Variants in SORCS1 observed in about 807,000 individuals in gnomAD.
SORCS1 encodes VPS10 domain-containing receptor SorCS1.
Under a neutral mutation model 146.1 loss-of-function variants are expected in SORCS1, and 60 were observed. The ratio of observed to expected loss-of-function variants is 0.41; its 90% CI spans 0.33 to 0.51. The LOEUF is 0.51. Ranked by LOEUF, SORCS1 falls within the 20% of genes least tolerant of loss-of-function variation. The pLI is 0.21. For synonymous variants in SORCS1, 637 were observed against 584.0 expected, an observed-to-expected ratio of 1.09 and a Z score of -1.31; for missense variants, 1,352 against 1,487.6, an observed-to-expected ratio of 0.91 and a Z score of 1.50.
chr10:106,699,280 G>A lies in SORCS1; in HGVS notation c.1347C>T (p.Thr449=). 1 of 1,614,020 alleles carries A rather than the reference G, an allele frequency of 6.2e-7. No homozygotes were observed. The highest frequency in any genetic ancestry group is 2.2e-5 in the East Asian group (1 of 44,884). ...YISDTRGVYF[T]LALENVQSSR... is the part of the protein sequence containing the mutation. ...TGCTCTGGACATTCTCCAAGGCCAG[G>A]GTGAAGTAGACACCACGTGTGTCTG... Residue 449 remains threonine (T), a synonymous_variant, in exon 9 of 26, where the codon ACC becomes ACT. Coordinates refer to ENST00000263054, the MANE Select transcript of SORCS1 (RefSeq NM_052918.5).
At chr10:106,786,085 G>T (rs1301730548) in intron 3 of SORCS1, among the ~76,000 whole-genome samples, 2 of 152,078 alleles carry the variant, frequency 1.3e-5, no homozygotes, top group African/African-American at 4.8e-5. Flanking sequence ...GCATATTCTA[G>T]GTTTAATTCT....
intron 1 of SORCS1, among the ~76,000 whole-genome samples, chr10:107,142,857 A>T (rs141169147): frequency 1.3e-3 from 203 of 152,356 alleles, no homozygotes; most frequent in African/African-American, 4.6e-3. Flanking sequence ...TACTATCATT[A>T]AATACACAGG....
intron 18 of SORCS1, among the ~76,000 whole-genome samples, chr10:106,637,013 T>C (rs1848766740): frequency 6.6e-6 from 1 of 152,220 alleles, no homozygotes; most frequent in Admixed American, 6.5e-5. Context: ...CCCAGTGTAA[T>C]ATGCCAGGCT....
chr10:106,979,409 T>A (rs933375567), intron 1 of SORCS1, among the ~76,000 whole-genome samples: 7 of 152,146 alleles, frequency 4.6e-5, no homozygotes, highest in Admixed American at 3.3e-4. Context: ...TCATTTTATA[T>A]TGTATCAGAT....
intron 1 of SORCS1, among the ~76,000 whole-genome samples, chr10:107,145,470 T>A (rs1213511529): frequency 6.6e-6 from 1 of 152,222 alleles, no homozygotes; most frequent in Non-Finnish European, 1.5e-5. Flanking sequence ...TACTGCATTT[T>A]AAGAAAGTCT....
chr10:106,966,432 A>G (rs1475529061), intron 1 of SORCS1, among the ~76,000 whole-genome samples: 1 of 152,212 alleles, frequency 6.6e-6, no homozygotes, highest in African/African-American at 2.4e-5. Context: ...TTGCCTCTGA[A>G]AAGTATTTAA....
intron 1 of SORCS1, among the ~76,000 whole-genome samples, chr10:107,126,105 T>C (rs1290364151): frequency 6.6e-6 from 1 of 152,326 alleles, no homozygotes; most frequent in Non-Finnish European, 1.5e-5. Flanking sequence ...CCCTTTTCTT[T>C]CCTTCCTGAA....
chr10:106,929,117 T>C (rs1953254278), intron 2 of SORCS1, among the ~76,000 whole-genome samples: 2 of 152,174 alleles, frequency 1.3e-5, no homozygotes, highest in South Asian at 4.1e-4. Flanking sequence ...TCTCCATGAA[T>C]ATGCTTCAGT....
chr10:106,927,537 G>A (rs1161738588), intron 2 of SORCS1, among the ~76,000 whole-genome samples: 2 of 152,140 alleles, frequency 1.3e-5, no homozygotes, highest in African/African-American at 2.4e-5. Context: ...GGACATGAGC[G>A]GGTTGCCACT....
chr10:106,825,052 T>A (rs1426062281), intron 3 of SORCS1, among the ~76,000 whole-genome samples: 3 of 152,138 alleles, frequency 2.0e-5, no homozygotes, highest in African/African-American at 7.2e-5. Flanking sequence ...CAAAACACTT[T>A]TTTTTCCTTT....
intron 10 of SORCS1, among the ~76,000 whole-genome samples, chr10:106,686,694 T>C (rs889335016): frequency 6.6e-6 from 1 of 152,200 alleles, no homozygotes; most frequent in Non-Finnish European, 1.5e-5. Context: ...GTAATAAGGA[T>C]AGAAGCTGAG....
intron 4 of SORCS1, among the ~76,000 whole-genome samples, chr10:106,771,328 T>A (rs1389413597): frequency 6.6e-6 from 1 of 152,214 alleles, no homozygotes; most frequent in Non-Finnish European, 1.5e-5. Flanking sequence ...GACTGAGAGA[T>A]GCCGTTGGAG....
intron 1 of SORCS1, among the ~76,000 whole-genome samples, chr10:107,130,597 G>A (rs979445213): frequency 6.6e-6 from 1 of 152,172 alleles, no homozygotes; most frequent in Non-Finnish European, 1.5e-5. Context: ...GACAGGCAAT[G>A]GATGGGAGCA....
intron 5 of SORCS1, among the ~76,000 whole-genome samples, chr10:106,741,121 C>T (rs371897234): frequency 6.8e-4 from 104 of 152,316 alleles, no homozygotes; most frequent in African/African-American, 2.3e-3. Flanking sequence ...TAAGAAAGCC[C>T]AGGCTTCCAG....
At chr10:106,739,029 G>C (rs773835950) in intron 5 of SORCS1, among the ~76,000 whole-genome samples, 7 of 152,180 alleles carry the variant, frequency 4.6e-5, no homozygotes, top group Non-Finnish European at 8.8e-5. Context: ...CTAGGTATTT[G>C]AACTACAGAC....
chr10:106,785,100 C>G (rs116372139), intron 3 of SORCS1, among the ~76,000 whole-genome samples: 1 of 152,154 alleles, frequency 6.6e-6, no homozygotes. Context: ...CACTGATTAC[C>G]TCAAACTGAG....
chr10:107,154,194 G>T (rs915059860), intron 1 of SORCS1, among the ~76,000 whole-genome samples: 1 of 151,488 alleles, frequency 6.6e-6, no homozygotes, highest in Non-Finnish European at 1.5e-5. Flanking sequence ...ATAGAGATGG[G>T]GTTTCTCCAT....
intron 2 of SORCS1, among the ~76,000 whole-genome samples, chr10:106,842,768 C>T (rs1949107116): frequency 6.6e-6 from 1 of 151,618 alleles, no homozygotes; most frequent in African/African-American, 2.4e-5. Context: ...CATGTGTCAC[C>T]ATGCCCGGCT....
chr10:107,051,958 T>G (rs1288585845), intron 1 of SORCS1, among the ~76,000 whole-genome samples: 1 of 152,136 alleles, frequency 6.6e-6, no homozygotes, highest in Non-Finnish European at 1.5e-5. Flanking sequence ...TGCCTTGGTC[T>G]TATGGACTAC....
Sources: allele counts gnomAD v4.1 joint callset (sites outside exome capture counted in the v4.1 genomes callset), GRCh38; gene constraint gnomAD v4.1.1; transcripts MANE v1.5; gene names NCBI Gene and HGNC (gene_info 2026-07-23, HGNC 2026-07-21).